Variants in RAPH1 observed in about 807,000 individuals in gnomAD.
RAPH1 encodes Ras association (RalGDS/AF-6) and pleckstrin homology domains 1.
In RAPH1, 18 loss-of-function variants were observed where a neutral mutation model predicts 88.1. That is an observed-to-expected ratio of 0.20 (90% confidence interval 0.14 to 0.30). RAPH1 has a LOEUF of 0.30. RAPH1 is among the 10% of genes least tolerant of loss of function. The pLI, the probability that RAPH1 is intolerant of heterozygous loss-of-function variation, is 1.00. For missense variants in RAPH1, 1,448 were observed against 1,543.2 expected (o/e 0.94, Z 1.03); for synonymous variants, 587 against 559.0 (o/e 1.05, Z -0.71).
chr2:203,483,477 T>G (rs1258019129), intron 4 of RAPH1, among the ~76,000 whole-genome samples: 1 of 152,142 alleles, frequency 6.6e-6, no homozygotes, highest in Non-Finnish European at 1.5e-5. Context: ...TATCCATTAT[T>G]TGAGATAGAG....
At chr2:203,499,555 C>T (rs1688652158) in intron 1 of RAPH1, among the ~76,000 whole-genome samples, 1 of 151,956 alleles carries the variant, frequency 6.6e-6, no homozygotes, top group African/African-American at 2.4e-5. Flanking sequence ...AACCCCGTCT[C>T]TACAAAAATT....
chr2:203,512,018 C>G (rs769285025), intron 1 of RAPH1, among the ~76,000 whole-genome samples: 2 of 151,716 alleles, frequency 1.3e-5, no homozygotes, highest in Non-Finnish European at 2.9e-5. Flanking sequence ...GAGGCTGAGG[C>G]AGGAGAATCG....
At position 203,450,417 on chromosome 2, in the gene RAPH1, C is replaced by T. The variant is rs374046607; in HGVS notation, c.1414-1581G>A. ...GTCTTCCCTCCTGATAATATAGGCC[C>T]TCTCTTGGAATATGCTCCTTGTCCA... On this transcript the variant is annotated intron_variant, in intron 10 of 13. Coordinates refer to ENST00000319170, the MANE Select transcript of RAPH1 (RefSeq NM_213589.3). Among the ~76,000 whole-genome samples the T allele has an allele frequency of 5.9e-5, 9 of 152,300 alleles. No individual in the cohort carries two copies. In the South Asian group the frequency reaches 6.2e-4, roughly 11 times the overall value.
intron 4 of RAPH1, among the ~76,000 whole-genome samples, chr2:203,466,507 T>C (rs977118368): frequency 1.3e-5 from 2 of 151,864 alleles, no homozygotes; most frequent in African/African-American, 2.4e-5. Context: ...CAATAGTTTA[T>C]TTATAAAGGC....
chr2:203,460,121 C>T, intron 6 of RAPH1, 93 bp from the exon 7 acceptor site: 1 of 1,123,168 alleles, frequency 8.9e-7, no homozygotes, highest in East Asian at 2.4e-5. Flanking sequence ...CTCAGAACCA[C>T]ATAATCTTAA....
chr2:203,526,706 CAA>C (rs34932665), intron 1 of RAPH1, among the ~76,000 whole-genome samples: 1,351 of 80,582 alleles, frequency 0.017, 12 homozygotes, highest in African/African-American at 0.051. Context: ...AACTCTGTCT[CAA>C]AAAAAAAAAA....
chr2:203,471,852 T>C (rs1283918521), intron 4 of RAPH1, among the ~76,000 whole-genome samples: 4 of 151,924 alleles, frequency 2.6e-5, no homozygotes, highest in Admixed American at 2.6e-4. Flanking sequence ...CCAATTTTTT[T>C]AATTGGACAT....
intron 1 of RAPH1, among the ~76,000 whole-genome samples, chr2:203,516,894 C>T (rs980944514): frequency 6.6e-5 from 10 of 151,660 alleles, no homozygotes; most frequent in African/African-American, 1.7e-4. Flanking sequence ...ATTAGCTGGG[C>T]GTGGTGGTGG....
intron 1 of RAPH1, among the ~76,000 whole-genome samples, chr2:203,515,276 C>T (rs1215050619): frequency 2.0e-5 from 3 of 151,948 alleles, no homozygotes; most frequent in Non-Finnish European, 4.4e-5. Context: ...ATAAAGAAAC[C>T]ATTAACAATG....
chr2:203,470,306 T>C, intron 4 of RAPH1: 2 of 1,606,750 alleles, frequency 1.2e-6, no homozygotes, highest in Non-Finnish European at 1.7e-6. Flanking sequence ...CCTGTCCAGA[T>C]AGGAGTGCTT....
chr2:203,451,014 T>C (rs1338758064), intron 10 of RAPH1, among the ~76,000 whole-genome samples: 1 of 152,094 alleles, frequency 6.6e-6, no homozygotes, highest in South Asian at 2.1e-4. Context: ...AAGAGTACTA[T>C]GGTATAAGTA....
At chr2:203,523,912 G>A (rs1224725097) in intron 1 of RAPH1, among the ~76,000 whole-genome samples, 1 of 152,142 alleles carries the variant, frequency 6.6e-6, no homozygotes, top group Non-Finnish European at 1.5e-5. Context: ...GCTGGGGCAG[G>A]AGAATCCCTT....
chr2:203,484,845 A>G (rs1257918851), intron 4 of RAPH1, among the ~76,000 whole-genome samples: 1 of 152,334 alleles, frequency 6.6e-6, no homozygotes, highest in Admixed American at 6.5e-5. Flanking sequence ...GACCCAACAG[A>G]CCATAGCTTG....
intron 4 of RAPH1, among the ~76,000 whole-genome samples, chr2:203,486,307 G>A (rs945166090): frequency 2.0e-5 from 3 of 152,122 alleles, no homozygotes; most frequent in African/African-American, 7.2e-5. Flanking sequence ...GTAGTCACAA[G>A]AGTATATGGA....
chr2:203,519,296 C>T (rs1345772222), intron 1 of RAPH1, among the ~76,000 whole-genome samples: 4 of 152,056 alleles, frequency 2.6e-5, no homozygotes, highest in Non-Finnish European at 5.9e-5. Context: ...AATTATACAC[C>T]ATGACCAAGT....
Position 203,435,590 on chromosome 2 carries a change from G to A in RAPH1, c.*3847C>T, listed in dbSNP as rs1005886513. The A allele has an allele frequency of 2.6e-5, 4 of 151,366 alleles. No homozygotes were observed. Among genetic ancestry groups the A allele is most frequent in the Admixed American group, 2.6e-4 (4 of 15,190 alleles). 9.4% of individuals were successfully genotyped at this position (151,366 alleles called of 1,614,324 possible). On this transcript the variant is annotated 3_prime_UTR_variant, in exon 14 of 14. Coordinates refer to ENST00000319170, the MANE Select transcript of RAPH1 (RefSeq NM_213589.3). ...TTCCCCTAGAAACAGTCACCCTCTC[G>A]TCAAGTGTATGACCCAATTATACCT...
At chr2:203,534,082 T>C (rs764139543) in intron 1 of RAPH1, among the ~76,000 whole-genome samples, 1 of 152,172 alleles carries the variant, frequency 6.6e-6, no homozygotes, top group Non-Finnish European at 1.5e-5. Flanking sequence ...AATATCCCCA[T>C]GGACTGACTC....
At chr2:203,452,807 G>A (rs763743830) in intron 10 of RAPH1, among the ~76,000 whole-genome samples, 2 of 152,094 alleles carry the variant, frequency 1.3e-5, no homozygotes, top group Non-Finnish European at 2.9e-5. Context: ...AATTAACTGG[G>A]TGTGGTGGCA....
intron 1 of RAPH1, among the ~76,000 whole-genome samples, chr2:203,522,562 T>C (rs1041975991): frequency 3.9e-5 from 6 of 152,022 alleles, no homozygotes; most frequent in African/African-American, 1.4e-4. Context: ...GACAAGAGTA[T>C]TCTAAAATTT....
Sources: gnomAD v4.1 joint callset for allele counts (sites outside exome capture counted in the v4.1 genomes callset) on GRCh38, gnomAD v4.1.1 for gene constraint, MANE v1.5 for transcripts, NCBI Gene and HGNC (gene_info 2026-07-23, HGNC 2026-07-21) for gene names.